The following CREM variants were observed in gnomAD, a reference collection of about 807,000 sequenced individuals.
CREM encodes the protein cAMP responsive element modulator, also known as cAMP-responsive element modulator.
CREM carries 13 observed loss-of-function variants against 37.3 expected under a neutral mutation model. The ratio of observed to expected loss-of-function variants is 0.35; its 90% confidence interval spans 0.23 to 0.55. CREM has a LOEUF of 0.55. Ranked by LOEUF, CREM falls within the 20% of genes least tolerant of loss-of-function variation. The pLI is 0.88. For synonymous variants in CREM, 124 were observed against 120.2 expected (o/e 1.03, Z -0.21); for missense variants, 296 against 362.3 (o/e 0.82, Z 1.49).
intron 1 of CREM, 48 bp from the exon 2 acceptor site, chr10:35,137,734 A>C (rs2090787416): frequency 1.3e-6 from 1 of 761,632 alleles, no homozygotes; most frequent in Admixed American, 3.4e-5. Context: ...AGAGTTTTTG[A>C]AGTGAAATGT....
intron 3 of CREM, among the ~76,000 whole-genome samples, chr10:35,156,085 G>A (rs1445861809): frequency 2.0e-5 from 3 of 150,776 alleles, no homozygotes; most frequent in East Asian, 1.9e-4. Flanking sequence ...GACTACAGGC[G>A]CCCGCCACCA....
At chr10:35,148,807 G>C (rs1000209558) in intron 3 of CREM, 7 of 202,458 alleles carry the variant, frequency 3.5e-5, no homozygotes, top group Non-Finnish European at 7.0e-5. Context: ...GTCCTTAGCT[G>C]TTAAGATGAC....
chr10:35,175,655 A>C, intron 3 of CREM: 1 of 1,613,294 alleles, frequency 6.2e-7, no homozygotes, highest in Non-Finnish European at 8.5e-7. Flanking sequence ...GTTCCTTAAT[A>C]AATGTCACAT....
intron 5 of CREM, among the ~76,000 whole-genome samples, chr10:35,185,858 G>A (rs1473112769): frequency 6.6e-6 from 1 of 152,204 alleles, no homozygotes; most frequent in Non-Finnish European, 1.5e-5. Flanking sequence ...GCATGTGGAA[G>A]TCTTTTTAAA....
intron 1 of CREM, among the ~76,000 whole-genome samples, chr10:35,131,944 G>A (rs1032901978): frequency 6.6e-6 from 1 of 152,112 alleles, no homozygotes; most frequent in African/African-American, 2.4e-5. Flanking sequence ...GGCCGGGTGC[G>A]GTGGCTCACG....
chr10:35,159,763 C>T (rs1389701672), intron 3 of CREM, among the ~76,000 whole-genome samples: 2 of 152,104 alleles, frequency 1.3e-5, no homozygotes, highest in African/African-American at 2.4e-5. Flanking sequence ...GGAAACATTC[C>T]ACAGGGTGAA....
At chr10:35,154,478 A>G (rs1034397486) in intron 3 of CREM, 1 of 161,928 alleles carries the variant, frequency 6.2e-6, no homozygotes, top group Non-Finnish European at 1.3e-5. Context: ...TAGCTTCAGT[A>G]TATTAATTTC....
intron 2 of CREM, among the ~76,000 whole-genome samples, chr10:35,147,486 C>T (rs2092261929): frequency 6.6e-6 from 1 of 152,066 alleles, no homozygotes; most frequent in Non-Finnish European, 1.5e-5. Context: ...CATACACAAA[C>T]TTCAAATCAC....
At chr10:35,138,978 T>C (rs1417113512) in intron 2 of CREM, among the ~76,000 whole-genome samples, 1 of 152,106 alleles carries the variant, frequency 6.6e-6, no homozygotes, top group East Asian at 1.9e-4. Context: ...TGGATCCCAG[T>C]ATATTCAAAA....
intron 3 of CREM, among the ~76,000 whole-genome samples, chr10:35,163,988 CAAA>C (rs936459042): frequency 6.9e-6 from 1 of 145,508 alleles, no homozygotes; most frequent in Non-Finnish European, 1.5e-5. Context: ...AAAAAAAAAA[CAAA>C]AAAAGAGCCC....
At chr10:35,175,681 C>T (rs928539952) in intron 3 of CREM, 53 of 1,614,016 alleles carry the variant, frequency 3.3e-5, no homozygotes, top group Non-Finnish European at 4.5e-5. Flanking sequence ...AATGACTGTT[C>T]CAGGACAGTA....
At chr10:35,196,125 C>T (rs780967254) in intron 6 of CREM, 6 of 1,613,100 alleles carry the variant, frequency 3.7e-6, no homozygotes, top group Admixed American at 1.7e-5. Context: ...CTACTGAGGC[C>T]GTCCCTGCAT....
intron 3 of CREM, among the ~76,000 whole-genome samples, chr10:35,156,787 A>G (rs1161276115): frequency 6.6e-6 from 1 of 152,228 alleles, no homozygotes; most frequent in Admixed American, 6.5e-5. Context: ...TATGGTAATG[A>G]ATGTATTAGG....
chr10:35,189,416 A>G (rs1564931368), intron 6 of CREM, among the ~76,000 whole-genome samples: 1 of 152,194 alleles, frequency 6.6e-6, no homozygotes, highest in African/African-American at 2.4e-5. Context: ...CCTGTGTTTT[A>G]ATTGAATTCT....
At chr10:35,182,940 T>C (rs2094413497) in intron 5 of CREM, among the ~76,000 whole-genome samples, 1 of 152,250 alleles carries the variant, frequency 6.6e-6, no homozygotes, top group African/African-American at 2.4e-5. Flanking sequence ...TGTTACTTGC[T>C]GCATGAGACA....
chr10:35,182,020 C>T (rs558031147), intron 5 of CREM, among the ~76,000 whole-genome samples: 14 of 152,190 alleles, frequency 9.2e-5, no homozygotes, highest in Non-Finnish European at 1.8e-4. Flanking sequence ...TATGTACAGT[C>T]TGCAGGTAAA....
intron 6 of CREM, among the ~76,000 whole-genome samples, chr10:35,199,887 C>CTTTTTTT (rs5784443): frequency 1.6e-5 from 2 of 121,370 alleles, no homozygotes; most frequent in Non-Finnish European, 3.3e-5. Flanking sequence ...GTTAAAATGG[C>CTTTTTTT]TTTTTTTTTT....
At chr10:35,188,677 T>TTAAA (rs2094762367) in intron 6 of CREM, among the ~76,000 whole-genome samples, 1 of 141,248 alleles carries the variant, frequency 7.1e-6, no homozygotes, top group Non-Finnish European at 1.6e-5. Context: ...TTTTTTTTTT[T>TTAAA]GAGATGGAGT....
At chr10:35,148,320 T>C in intron 2 of CREM, 48 bp from the exon 3 acceptor site, 1 of 1,558,108 alleles carries the variant, frequency 6.4e-7, no homozygotes, top group Non-Finnish European at 8.7e-7. Context: ...TATTTCCAAA[T>C]ACTTAAGATA....
Sources: gnomAD v4.1 joint callset for allele counts (sites outside exome capture counted in the v4.1 genomes callset) on GRCh38, gnomAD v4.1.1 for gene constraint, MANE v1.5 for transcripts, NCBI Gene and HGNC (gene_info 2026-07-23, HGNC 2026-07-21) for gene names.